The following SDK2 variants were observed in gnomAD, a reference collection of about 807,000 sequenced individuals.
SDK2 encodes sidekick cell adhesion molecule 2.
In SDK2, 105 loss-of-function variants were observed where a neutral mutation model predicts 253.9. The observed-to-expected ratio is 0.41, with a 90% confidence interval of 0.35 to 0.49. The LOEUF is 0.49. Ranked by LOEUF, SDK2 falls within the 20% of genes least tolerant of loss-of-function variation. The pLI, the probability that SDK2 is intolerant of heterozygous loss-of-function variation, is 0.06. For synonymous variants in SDK2, 1,249 were observed against 1,234.9 expected (o/e 1.01, Z -0.24); for missense variants, 2,608 against 3,003.0 (o/e 0.87, Z 3.07).
intron 22 of SDK2, 40 bp from the exon 23 acceptor site, chr17:73,398,469 G>C: frequency 6.4e-7 from 1 of 1,550,780 alleles, no homozygotes; most frequent in Non-Finnish European, 8.9e-7. Context: ...CAGCCTACAG[G>C]GCCCACACGG....
At chr17:73,617,941 A>T (rs2046081743) in intron 1 of SDK2, among the ~76,000 whole-genome samples, 2 of 152,220 alleles carry the variant, frequency 1.3e-5, no homozygotes, top group African/African-American at 4.8e-5. Flanking sequence ...AAACGCCTTA[A>T]AACAAAACAG....
chr17:73,474,597 C>T (rs555793648), intron 2 of SDK2, among the ~76,000 whole-genome samples: 56 of 152,300 alleles, frequency 3.7e-4, no homozygotes, highest in African/African-American at 1.1e-3. Context: ...TGCTACTGTG[C>T]GCAGTGTGAT....
intron 1 of SDK2, among the ~76,000 whole-genome samples, chr17:73,632,235 A>T (rs1323056484): frequency 6.6e-6 from 1 of 152,212 alleles, no homozygotes. Flanking sequence ...TTGCCAAAGG[A>T]GAGTAACATT....
intron 1 of SDK2, among the ~76,000 whole-genome samples, chr17:73,535,769 C>T (rs921017311): frequency 6.6e-6 from 1 of 152,152 alleles, no homozygotes; most frequent in Non-Finnish European, 1.5e-5. Flanking sequence ...ATCTCTCTAT[C>T]CATGGATGTG....
In SDK2 at chr17:73,541,923, G is replaced by T. The variant is rs1050798077; in HGVS notation, c.65-34326C>A. Among the ~76,000 whole-genome samples, 5 of 152,192 alleles carry T rather than the reference G, an allele frequency of 3.3e-5. No homozygotes were observed. The highest frequency in any genetic ancestry group is 1.2e-4 in the African/African-American group (5 of 41,444). On this transcript the variant is annotated intron_variant, in intron 1 of 44. Transcript: ENST00000392650. This position sits in a 1 kb window ranked among gnomAD's most constrained non-coding sequence, Gnocchi z 4.3. ...GCCTGTTCTTGCCTGTGTGCCCTGAGGAGAGCCCCAAACCTCTCTGAGCCT... is the reference window on the plus strand; with the variant it reads ...GCCTGTTCTTGCCTGTGTGCCCTGATGAGAGCCCCAAACCTCTCTGAGCCT...
chr17:73,423,652 C>T (rs1383495696), intron 13 of SDK2, 130 bp from the exon 14 acceptor site: 17 of 1,128,772 alleles, frequency 1.5e-5, no homozygotes, highest in South Asian at 4.0e-5. Context: ...ATGTGGCCTT[C>T]GGGCCATCTA....
intron 2 of SDK2, among the ~76,000 whole-genome samples, chr17:73,489,728 AT>A (rs1444178664): frequency 6.6e-6 from 1 of 152,194 alleles, no homozygotes; most frequent in African/African-American, 2.4e-5. Flanking sequence ...GAAGGCCAGC[AT>A]TGACCCTCTA....
In SDK2 at chr17:73,338,266, CCTCT is replaced by C. The variant is rs745468632; in HGVS notation, c.*317_*320del. ...GGCCTCCAGTCCTTAGCCTCCGCTC[CCTCT>C]CTCTCTCCAGATGCCCGCCCCACTC... On this transcript the variant is annotated 3_prime_UTR_variant, in exon 45 of 45. Coordinates refer to ENST00000392650, the MANE Select transcript of SDK2 (RefSeq NM_001144952.2). This position sits in a 1 kb window ranked among gnomAD's most constrained non-coding sequence, Gnocchi z 5.0. The C allele has an allele frequency of 2.0e-6, 1 of 495,752 alleles. No homozygotes were observed. The highest frequency in any genetic ancestry group is 1.6e-5 in the South Asian group (1 of 61,512). The allele number at this position is 495,752 out of a possible 1,614,324, so 30.7% of individuals were successfully genotyped here.
chr17:73,475,707 C>T (rs879345571), intron 2 of SDK2, among the ~76,000 whole-genome samples: 2 of 152,092 alleles, frequency 1.3e-5, no homozygotes, highest in African/African-American at 2.4e-5. Flanking sequence ...GGAAGGTTTG[C>T]GAATAAAAGC....
In SDK2 at chr17:73,443,080, A is replaced by G. The variant is rs113574774; in HGVS notation, c.614-2157T>C. Among the ~76,000 whole-genome samples the G allele has an allele frequency of 2.1e-4, 32 of 152,176 alleles. No individual in the cohort carries two copies. The highest frequency in any genetic ancestry group is 7.0e-4 in the African/African-American group (29 of 41,520). On this transcript the variant is annotated intron_variant, in intron 5 of 44. Coordinates refer to ENST00000392650, the MANE Select transcript of SDK2 (RefSeq NM_001144952.2). The surrounding 1 kb of genome is among the most constrained non-coding windows in gnomAD (Gnocchi z 4.6). ...CCCCTTTCCAGAAGGTTCTGGAGGT[A>G]GTAGGCCATGATGACATGCTGGGCC... is the stretch of plus-strand genomic sequence containing the variant.
In SDK2 at chr17:73,423,449, A is replaced by T. The variant is rs2063250703; in HGVS notation, c.1834T>A (p.Trp612Arg). The T allele has an allele frequency of 6.3e-7, 1 of 1,592,424 alleles. No individual in the cohort carries two copies. Among genetic ancestry groups the T allele is most frequent in the Admixed American group, 1.7e-5 (1 of 57,922 alleles). The change falls in exon 14 of 45, where the codon TGG (tryptophan) becomes AGG (arginine). Residue 612 changes from tryptophan (W) to arginine (R), a missense_variant. Trp to Arg is a moderately radical substitution (Grantham distance 101). Transcript: ENST00000392650. ...TVERRAINLT[W>R]TKPFDGNSPL... ...CTGTTGCCATCAAAGGGCTTGGTCC[A>T]CGTCAGGTTGATGGCTCGCCTTTCC...
At chr17:73,626,126 C>T (rs1268785036) in intron 1 of SDK2, among the ~76,000 whole-genome samples, 1 of 152,202 alleles carries the variant, frequency 6.6e-6, no homozygotes, top group African/African-American at 2.4e-5. Context: ...GCAGCGGGAG[C>T]CTGGCAGGCT....
intron 1 of SDK2, among the ~76,000 whole-genome samples, chr17:73,635,676 T>C (rs1301209549): frequency 6.6e-6 from 1 of 152,202 alleles, no homozygotes; most frequent in African/African-American, 2.4e-5. Flanking sequence ...GGGTCACTAA[T>C]AGCTTCCTAC....
chr17:73,568,022 T>G (rs995476190), intron 1 of SDK2, among the ~76,000 whole-genome samples: 2 of 152,230 alleles, frequency 1.3e-5, no homozygotes, highest in African/African-American at 4.8e-5. Context: ...ACATGAAATT[T>G]AGGAGGCCAG....
At chr17:73,605,035 C>T (rs1404195281) in intron 1 of SDK2, among the ~76,000 whole-genome samples, 4 of 152,202 alleles carry the variant, frequency 2.6e-5, no homozygotes, top group African/African-American at 7.2e-5. Flanking sequence ...GGAGAGGCCA[C>T]CACTGGGCAA....
chr17:73,404,686 CTG>C (rs2063056414), intron 18 of SDK2, among the ~76,000 whole-genome samples: 1 of 152,330 alleles, frequency 6.6e-6, no homozygotes, highest in African/African-American at 2.4e-5. Flanking sequence ...TAGGACATCT[CTG>C]TGCCTTCTCC....
Position 73,368,431 on chromosome 17 carries a change from TG to T in SDK2, c.5142del (p.Thr1715ProfsTer21). On this transcript the variant is annotated frameshift_variant, in exon 37 of 45. Transcript: ENST00000392650. LOFTEE classifies it high-confidence loss of function. ...CCTGCTTGCTGGGTCTGGCCTTGGG[TG>T]GGGGTGCTCCGAGGCCCATCCCCAG... ...NAAGDGPRST[P>X]TQGQTQQAAP... is the part of the protein sequence containing the mutation. 6.3e-7 allele frequency: 1 copy of T among 1,586,766 alleles called. No individual in the cohort carries two copies. The highest frequency in any genetic ancestry group is 8.6e-7 in the Non-Finnish European group (1 of 1,167,220).
intron 32 of SDK2, among the ~76,000 whole-genome samples, chr17:73,384,937 C>T (rs1275786321): frequency 1.3e-5 from 2 of 152,254 alleles, no homozygotes; most frequent in Non-Finnish European, 2.9e-5. Flanking sequence ...CCCTCTGCCA[C>T]GTTGCTCCAG....
intron 1 of SDK2, among the ~76,000 whole-genome samples, chr17:73,578,255 G>A (rs923459270): frequency 6.6e-6 from 1 of 151,970 alleles, no homozygotes; most frequent in African/African-American, 2.4e-5. Context: ...AGTAGAGATG[G>A]GGTTTCACCA....
Sources: allele counts gnomAD v4.1 joint callset (sites outside exome capture counted in the v4.1 genomes callset), GRCh38; gene constraint gnomAD v4.1.1; non-coding constraint Gnocchi (gnomAD v3.1); transcripts MANE v1.5; gene names NCBI Gene and HGNC (gene_info 2026-07-23, HGNC 2026-07-21).